GOLGA4: variants seen among roughly 807,000 people sequenced by gnomAD.
GOLGA4 encodes golgin A4, also known as golgin subfamily A member 4.
A neutral mutation model predicts 265.9 loss-of-function variants in GOLGA4; 169 were observed. The observed-to-expected ratio is 0.64, with a 90% confidence interval of 0.56 to 0.72. GOLGA4 has a LOEUF of 0.72. GOLGA4 is among the 30% of genes least tolerant of loss of function. GOLGA4 has a pLI of 0.00. For missense variants in GOLGA4, 2,482 were observed against 2,483.4 expected, an observed-to-expected ratio of 1.00 and a Z score of 0.01; for synonymous variants, 923 against 855.8, an observed-to-expected ratio of 1.08 and a Z score of -1.37.
chr3:37,251,114 G>A (rs975175511), intron 1 of GOLGA4, among the ~76,000 whole-genome samples: 1 of 151,984 alleles, frequency 6.6e-6, no homozygotes, highest in African/African-American at 2.4e-5. Context: ...TCTTACACTA[G>A]TATCGCAACT....
intron 20 of GOLGA4, among the ~76,000 whole-genome samples, chr3:37,340,651 G>A (rs907054525): frequency 3.9e-5 from 6 of 152,026 alleles, no homozygotes; most frequent in East Asian, 1.9e-4. Context: ...CAGTTTACCC[G>A]GCTTGAGTTC....
chr3:37,254,769 T>C (rs918202151), intron 2 of GOLGA4, among the ~76,000 whole-genome samples: 1 of 150,858 alleles, frequency 6.6e-6, no homozygotes, highest in African/African-American at 2.4e-5. Context: ...CCCAAAGTGC[T>C]GGGATTACGG....
chr3:37,271,887 T>G (rs1309763300), intron 2 of GOLGA4, among the ~76,000 whole-genome samples: 2 of 152,192 alleles, frequency 1.3e-5, no homozygotes, highest in Non-Finnish European at 2.9e-5. Context: ...CTCTGCCTCC[T>G]GTTAGATCAG....
intron 2 of GOLGA4, among the ~76,000 whole-genome samples, chr3:37,271,694 G>A (rs901002950): frequency 1.3e-5 from 2 of 152,094 alleles, no homozygotes; most frequent in African/African-American, 4.8e-5. Context: ...GCAAATTTCA[G>A]AAGTTCTGTT....
chr3:37,292,169 G>T (rs969450292), intron 5 of GOLGA4, among the ~76,000 whole-genome samples: 24 of 151,778 alleles, frequency 1.6e-4, no homozygotes, highest in Non-Finnish European at 2.8e-4. Context: ...TTTTTGGTTT[G>T]TTTTTTTTGT....
At chr3:37,247,348 GC>G (rs1233154844) in intron 1 of GOLGA4, among the ~76,000 whole-genome samples, 1 of 152,126 alleles carries the variant, frequency 6.6e-6, no homozygotes, top group Non-Finnish European at 1.5e-5. Context: ...GCTGGATGTT[GC>G]ATTTGCTTTG....
intron 2 of GOLGA4, among the ~76,000 whole-genome samples, chr3:37,260,833 T>G (rs1249388725): frequency 6.6e-6 from 1 of 151,988 alleles, no homozygotes; most frequent in Non-Finnish European, 1.5e-5. Flanking sequence ...TAAATAATAA[T>G]AGTTTTTCAA....
At chr3:37,261,563 A>G (rs2096769990) in intron 2 of GOLGA4, among the ~76,000 whole-genome samples, 1 of 152,182 alleles carries the variant, frequency 6.6e-6, no homozygotes, top group Non-Finnish European at 1.5e-5. Context: ...GTACCATGCT[A>G]TATATACACA....
chr3:37,360,135 A>G (rs2097100616), intron 22 of GOLGA4, among the ~76,000 whole-genome samples: 2 of 152,092 alleles, frequency 1.3e-5, no homozygotes, highest in Admixed American at 6.6e-5. Flanking sequence ...CTCCTTTATC[A>G]TTCATTTTAT....
chr3:37,302,691 T>G, intron 10 of GOLGA4: 1 of 194,090 alleles, frequency 5.2e-6, no homozygotes, highest in Non-Finnish European at 1.1e-5. Context: ...AAAATTCAGA[T>G]TTAAAATTGT....
chr3:37,307,654 AAGT>A (rs1446671549), intron 10 of GOLGA4, among the ~76,000 whole-genome samples: 1 of 152,202 alleles, frequency 6.6e-6, no homozygotes, highest in Non-Finnish European at 1.5e-5. Context: ...GTATGAATGA[AAGT>A]AGATTTTAAG....
chr3:37,334,186 GA>G (rs1318612221), intron 16 of GOLGA4, among the ~76,000 whole-genome samples: 2 of 152,180 alleles, frequency 1.3e-5, no homozygotes, highest in Admixed American at 6.5e-5. Context: ...TGTAAGGATG[GA>G]AAACAGCCTT....
At chr3:37,303,009 T>C (rs1017326852) in intron 10 of GOLGA4, among the ~76,000 whole-genome samples, 4 of 152,192 alleles carry the variant, frequency 2.6e-5, no homozygotes, top group African/African-American at 4.8e-5. Flanking sequence ...AAATAATCAA[T>C]AGAATGGGCC....
intron 11 of GOLGA4, among the ~76,000 whole-genome samples, chr3:37,318,296 C>T (rs547603390): frequency 6.6e-5 from 10 of 152,278 alleles, no homozygotes; most frequent in African/African-American, 2.4e-4. Flanking sequence ...ATCCTCCTGC[C>T]TTGGCCTCCC....
chr3:37,324,669 C>T lies in GOLGA4; in HGVS notation c.2783C>T (p.Thr928Ile). Residue 928 changes from threonine (T) to isoleucine (I), a missense_variant, in exon 14 of 24, where the codon ACA becomes ATA. Thr to Ile is a moderately conservative substitution (Grantham distance 89). Coordinates refer to ENST00000361924, the MANE Select transcript of GOLGA4 (RefSeq NM_002078.5). ...EGQKKEIEILTQKLSAKEDSI... is the reference protein window; with the variant it reads ...EGQKKEIEILIQKLSAKEDSI... ...CAGAAGAAAGAAATTGAGATACTCA[C>T]ACAGAAATTGTCAGCCAAGGAGGAC... The T allele has an allele frequency of 6.2e-7, 1 of 1,612,506 alleles. No homozygotes were observed. The highest frequency in any genetic ancestry group is 8.5e-7 in the Non-Finnish European group (1 of 1,179,452).
At position 37,326,069 on chromosome 3, in the gene GOLGA4, G is replaced by A. The variant is rs1368165230; in HGVS notation, c.4183G>A (p.Ala1395Thr). The A allele has an allele frequency of 6.2e-7, 1 of 1,613,066 alleles. No individual in the cohort carries two copies. Among genetic ancestry groups the A allele is most frequent in the Non-Finnish European group, 8.5e-7 (1 of 1,179,230 alleles). The change falls in exon 14 of 24, where the codon GCC becomes ACC. Residue 1395 changes from alanine to threonine, a missense_variant. Coordinates refer to ENST00000361924, the MANE Select transcript of GOLGA4 (RefSeq NM_002078.5). ...CATCAGCCTATCCGAAAAAGAAGCAGCCATTTCATCACTAAGAAAGCAGTA... is the reference window on the plus strand; with the variant it reads ...CATCAGCCTATCCGAAAAAGAAGCAACCATTTCATCACTAAGAAAGCAGTA... The part of the protein sequence containing the change: ...NSISLSEKEA[A>T]ISSLRKQYDE...
intron 10 of GOLGA4, among the ~76,000 whole-genome samples, chr3:37,307,311 A>G (rs145882206): frequency 1.3e-5 from 2 of 152,360 alleles, no homozygotes; most frequent in South Asian, 4.1e-4. Context: ...ATTAGAACAT[A>G]TTTATTTGAT....
chr3:37,276,277 A>G, intron 2 of GOLGA4: 4 of 1,575,506 alleles, frequency 2.5e-6, no homozygotes, highest in African/African-American at 2.7e-5. Context: ...GAAGTAGGAT[A>G]TCAAATCTTA....
chr3:37,271,514 A>G (rs1210225331), intron 2 of GOLGA4, among the ~76,000 whole-genome samples: 1 of 152,186 alleles, frequency 6.6e-6, no homozygotes, highest in Non-Finnish European at 1.5e-5. Context: ...TAGTATTGGT[A>G]CAAGAACCCC....
Sources: gnomAD v4.1 joint callset for allele counts (sites outside exome capture counted in the v4.1 genomes callset) on GRCh38, gnomAD v4.1.1 for gene constraint, MANE v1.5 for transcripts, NCBI Gene and HGNC (gene_info 2026-07-23, HGNC 2026-07-21) for gene names.